Variants in METTL15 observed in about 807,000 individuals in gnomAD.
METTL15 encodes methyltransferase 15, mitochondrial 12S rRNA N4-cytidine.
A neutral mutation model predicts 38.3 loss-of-function variants in METTL15; 34 were observed. The ratio of observed to expected loss-of-function variants is 0.89; its 90% CI spans 0.68 to 1.18. METTL15 has a LOEUF of 1.18. Ranked by LOEUF, METTL15 falls within the 50% of genes most tolerant of loss-of-function variation. The probability of loss-of-function intolerance (pLI) is 0.00; values close to 1 mark genes in which losing one functional copy is unlikely to be tolerated. For synonymous variants in METTL15, 162 were observed against 170.9 expected (o/e 0.95, Z 0.41); for missense variants, 438 against 498.4 (o/e 0.88, Z 1.15).
intron 3 of METTL15, among the ~76,000 whole-genome samples, chr11:28,117,597 A>C (rs1311539094): frequency 6.6e-6 from 1 of 152,136 alleles, no homozygotes; most frequent in Non-Finnish European, 1.5e-5. Flanking sequence ...TACAAATGTA[A>C]TGTTGGTTTA....
intron 4 of METTL15, among the ~76,000 whole-genome samples, chr11:28,264,718 G>C (rs574125647): frequency 3.3e-5 from 5 of 152,032 alleles, no homozygotes; most frequent in Non-Finnish European, 5.9e-5. Context: ...CTTTCTAATA[G>C]TACTGCAGAC....
At chr11:28,424,288 T>C (rs1210358210) in intron 5 of METTL15, 2 of 152,192 alleles carry the variant, frequency 1.3e-5, no homozygotes, top group East Asian at 3.8e-4. Context: ...ATTTGCCCTT[T>C]CTGTTTCTAG....
chr11:28,266,715 C>T (rs867659187), intron 4 of METTL15, among the ~76,000 whole-genome samples: 5 of 152,190 alleles, frequency 3.3e-5, no homozygotes, highest in Non-Finnish European at 7.3e-5. Context: ...TCTACTTTCT[C>T]TTACCTGGAT....
chr11:28,202,329 AAAGATCAATTGAATTGTACC>A (rs1377843535), intron 3 of METTL15, among the ~76,000 whole-genome samples: 2 of 152,126 alleles, frequency 1.3e-5, no homozygotes, highest in African/African-American at 4.8e-5. Flanking sequence ...CTTAGCATTC[AAAGATCAATTGAATTGTACC>A]CTCCTCCAGT....
intron 6 of METTL15, among the ~76,000 whole-genome samples, chr11:28,322,176 A>G (rs1316309815): frequency 6.6e-6 from 1 of 152,136 alleles, no homozygotes; most frequent in Admixed American, 6.5e-5. Flanking sequence ...GGAAATCTGT[A>G]TAAAAATGTT....
intron 5 of METTL15, among the ~76,000 whole-genome samples, chr11:28,365,910 G>T (rs970240765): frequency 6.6e-6 from 1 of 151,984 alleles, no homozygotes; most frequent in Non-Finnish European, 1.5e-5. Flanking sequence ...AATTAGTCGG[G>T]CGTGGTGGCA....
chr11:28,293,366 A>C (rs914724529), intron 5 of METTL15, among the ~76,000 whole-genome samples: 22 of 152,260 alleles, frequency 1.4e-4, no homozygotes, highest in African/African-American at 5.1e-4. Flanking sequence ...AGATAGTTGT[A>C]GATATGCGGC....
In METTL15 at chr11:28,287,021, AT is replaced by A. The variant is rs1856294243; in HGVS notation, c.408-3184del. Among the ~76,000 whole-genome samples the A allele has an allele frequency of 2.0e-5, 3 of 151,288 alleles. No homozygotes were observed. In the South Asian group the frequency reaches 6.3e-4, roughly 32 times the overall value. ...TGTATTCTCCACACTATATATATAT[AT>A]ATGTACTCTCCGCACTATATATATG... On this transcript the variant is annotated intron_variant, in intron 4 of 6. Transcript: ENST00000407364.
chr11:28,506,351 G>A (rs1045895570), intron 6 of METTL15, among the ~76,000 whole-genome samples: 12 of 152,176 alleles, frequency 7.9e-5, no homozygotes, highest in Non-Finnish European at 1.3e-4. Context: ...GAATTTCAGT[G>A]TCATTGCTTA....
At chr11:28,336,235 T>G (rs541719767), downstream of METTL15, among the ~76,000 whole-genome samples, 2 of 152,320 alleles carry the variant, frequency 1.3e-5, no homozygotes, top group African/African-American at 4.8e-5. Context: ...TTGTGGAGTT[T>G]CCATTTATAA....
chr11:28,293,355 C>G (rs1244561081), intron 5 of METTL15, among the ~76,000 whole-genome samples: 6 of 152,130 alleles, frequency 3.9e-5, no homozygotes, highest in Admixed American at 1.3e-4. Context: ...TGTCAAAGAT[C>G]AGATAGTTGT....
At chr11:28,295,876 C>A (rs186359875) in intron 5 of METTL15, among the ~76,000 whole-genome samples, 114 of 152,218 alleles carry the variant, frequency 7.5e-4, no homozygotes, top group African/African-American at 2.5e-3. Context: ...TACCAACAAT[C>A]AATCCAGCAT....
At chr11:28,432,295 TTCAA>T (rs1415332747) in intron 6 of METTL15, among the ~76,000 whole-genome samples, 118 of 152,338 alleles carry the variant, frequency 7.7e-4, no homozygotes, top group Non-Finnish European at 6.3e-4. Context: ...ATTCTGGTAG[TTCAA>T]TCAAAGTTAG....
chr11:28,354,527 T>G (rs1850073616), intron 4 of METTL15, among the ~76,000 whole-genome samples: 1 of 152,182 alleles, frequency 6.6e-6, no homozygotes, highest in Admixed American at 6.5e-5. Context: ...ATTAGTCAGA[T>G]ATGGCTAGAA....
At chr11:28,130,491 A>G (rs550767876) in intron 3 of METTL15, among the ~76,000 whole-genome samples, 2 of 152,290 alleles carry the variant, frequency 1.3e-5, no homozygotes, top group East Asian at 3.9e-4. Flanking sequence ...TGTTCAAATT[A>G]GAGAAGGGAA....
At chr11:28,129,231 A>G (rs1394613753) in intron 3 of METTL15, among the ~76,000 whole-genome samples, 2 of 152,204 alleles carry the variant, frequency 1.3e-5, no homozygotes, top group Admixed American at 1.3e-4. Flanking sequence ...ATGTCTATGA[A>G]TAAGTGGTTA....
chr11:28,197,585 T>C (rs1420738500), intron 3 of METTL15: 3 of 425,566 alleles, frequency 7.0e-6, no homozygotes, highest in South Asian at 3.5e-5. Flanking sequence ...TTCCTGGTGG[T>C]ATAGTATGGC....
At chr11:28,343,021 A>G (rs1034463039) in intron 3 of METTL15, among the ~76,000 whole-genome samples, 2 of 152,184 alleles carry the variant, frequency 1.3e-5, no homozygotes, top group Non-Finnish European at 2.9e-5. Context: ...TCCTGAATTT[A>G]TGTATATTCT....
At chr11:28,136,147 C>T (rs534619301) in intron 3 of METTL15, among the ~76,000 whole-genome samples, 219 of 152,296 alleles carry the variant, frequency 1.4e-3, no homozygotes, top group Non-Finnish European at 2.4e-3. Flanking sequence ...ACCTCAAAAA[C>T]ACTATGGACA....
Sources: gnomAD v4.1 joint callset for allele counts (sites outside exome capture counted in the v4.1 genomes callset) on GRCh38, gnomAD v4.1.1 for gene constraint, MANE v1.5 for transcripts, NCBI Gene and HGNC (gene_info 2026-07-23, HGNC 2026-07-21) for gene names.